Variants in RSPO2 observed in about 807,000 individuals in gnomAD.
RSPO2 encodes the protein R-spondin-2.
RSPO2 carries 14 observed loss-of-function variants against 30.9 expected under a neutral mutation model. The ratio of observed to expected loss-of-function variants is 0.45; its 90% CI spans 0.30 to 0.71. RSPO2 has a LOEUF of 0.71. Ranked by LOEUF, RSPO2 falls within the 30% of genes least tolerant of loss-of-function variation. The pLI, the probability that RSPO2 is intolerant of heterozygous loss-of-function variation, is 0.08. For missense variants in RSPO2, 264 were observed against 301.9 expected (o/e 0.87, Z 0.93); for synonymous variants, 107 against 96.4 (o/e 1.11, Z -0.64).
At chr8:107,952,154 G>T (rs1039167544) in intron 5 of RSPO2, among the ~76,000 whole-genome samples, 1 of 152,008 alleles carries the variant, frequency 6.6e-6, no homozygotes. Flanking sequence ...AGACACTTTA[G>T]CTCCTTAAAG....
chr8:107,955,704 C>T (rs1046770907), intron 5 of RSPO2, among the ~76,000 whole-genome samples: 1 of 152,080 alleles, frequency 6.6e-6, no homozygotes. Context: ...ATCTTATATG[C>T]ATAGTGATGA....
chr8:107,921,889 T>G (rs1812185574), intron 5 of RSPO2, among the ~76,000 whole-genome samples: 1 of 152,124 alleles, frequency 6.6e-6, no homozygotes, highest in Non-Finnish European at 1.5e-5. Context: ...GAAAAGGCTT[T>G]TAATAAAATT....
chr8:108,051,387 G>C (rs935058605), intron 2 of RSPO2, among the ~76,000 whole-genome samples: 6 of 152,094 alleles, frequency 3.9e-5, no homozygotes, highest in Admixed American at 1.3e-4. Flanking sequence ...CCACCAGCAG[G>C]GGGAAAAAAC....
chr8:107,913,853 C>A (rs1811897534), intron 5 of RSPO2, among the ~76,000 whole-genome samples: 1 of 152,124 alleles, frequency 6.6e-6, no homozygotes, highest in African/African-American at 2.4e-5. Context: ...GAAGCTACTA[C>A]ATGTATACAC....
chr8:107,986,836 G>A (rs745325199), intron 3 of RSPO2, among the ~76,000 whole-genome samples: 4 of 152,164 alleles, frequency 2.6e-5, no homozygotes, highest in Non-Finnish European at 4.4e-5. Context: ...GCCATAGGTA[G>A]TCTAAAGAAA....
chr8:108,015,881 T>A (rs1316724072), intron 2 of RSPO2, among the ~76,000 whole-genome samples: 1 of 152,160 alleles, frequency 6.6e-6, no homozygotes, highest in Non-Finnish European at 1.5e-5. Context: ...TCTTTGACAG[T>A]CACCAAGAAA....
chr8:108,019,364 T>G, intron 2 of RSPO2, among the ~76,000 whole-genome samples: 1 of 151,734 alleles, frequency 6.6e-6, no homozygotes, highest in South Asian at 2.1e-4. Flanking sequence ...AAAAAAATAA[T>G]AATAAATTAA....
intron 2 of RSPO2, among the ~76,000 whole-genome samples, chr8:108,031,967 G>A (rs539546944): frequency 2.6e-5 from 4 of 152,292 alleles, no homozygotes; most frequent in African/African-American, 7.2e-5. Flanking sequence ...ACAGTAGGGG[G>A]CAGAGGGAAA....
chr8:107,902,103 T>C (rs965894830), intron 5 of RSPO2, among the ~76,000 whole-genome samples: 1 of 152,204 alleles, frequency 6.6e-6, no homozygotes, highest in African/African-American at 2.4e-5. Flanking sequence ...ACATCTGTCT[T>C]AGGTCCATCA....
At chr8:108,069,763 G>A (rs577560259) in intron 2 of RSPO2, among the ~76,000 whole-genome samples, 4 of 152,300 alleles carry the variant, frequency 2.6e-5, no homozygotes, top group African/African-American at 9.6e-5. Flanking sequence ...TTCCCACAGA[G>A]TAGACATCAA....
At chr8:107,971,990 A>G (rs142273220) in intron 3 of RSPO2, among the ~76,000 whole-genome samples, 143 of 152,250 alleles carry the variant, frequency 9.4e-4, no homozygotes, top group African/African-American at 3.2e-3. Context: ...CACTCTGTCC[A>G]TCATAATCCT....
intron 5 of RSPO2, among the ~76,000 whole-genome samples, chr8:107,925,165 A>C (rs1812319738): frequency 6.6e-6 from 1 of 151,706 alleles, no homozygotes; most frequent in Non-Finnish European, 1.5e-5. Context: ...TTGAGAGGGG[A>C]TGTCAGGGGT....
At chr8:107,992,992 G>A (rs1814896438) in intron 2 of RSPO2, among the ~76,000 whole-genome samples, 1 of 152,082 alleles carries the variant, frequency 6.6e-6, no homozygotes, top group Non-Finnish European at 1.5e-5. Context: ...GAAGTAGAAT[G>A]CAACAAGCTA....
At chr8:107,934,228 A>G (rs1021073864) in intron 5 of RSPO2, among the ~76,000 whole-genome samples, 1 of 152,190 alleles carries the variant, frequency 6.6e-6, no homozygotes, top group African/African-American at 2.4e-5. Flanking sequence ...AAAAAAAATC[A>G]CATCCTTTTA....
intron 2 of RSPO2, among the ~76,000 whole-genome samples, chr8:108,000,990 G>A (rs147413335): frequency 0.018 from 2,635 of 148,714 alleles, 74 homozygotes; most frequent in African/African-American, 0.056. Flanking sequence ...TGACAAGAGC[G>A]ACACTCTGTC....
In RSPO2 at chr8:108,082,699, A is replaced by C. The variant is rs1813248157; in HGVS notation, c.-61T>G. 6.9e-7 allele frequency: 1 copy of C among 1,445,444 alleles called. No individual in the cohort carries two copies. Among genetic ancestry groups the C allele is most frequent in the East Asian group, 2.3e-5 (1 of 43,836 alleles). The allele number at this position is 1,445,444 out of a possible 1,614,324, so 89.5% of individuals were successfully genotyped here. A position where few individuals can be genotyped will look rare whatever the true frequency, so the allele number is the denominator to read the frequency against. ...GTCTAGGAACTGGAGGGTTCGCCCA[A>C]AGAGCCGGCGCCGGCCGCGCTGCTG... is the stretch of plus-strand genomic sequence containing the variant. On this transcript the variant is annotated 5_prime_UTR_variant, in exon 2 of 6. Coordinates refer to ENST00000276659, the MANE Select transcript of RSPO2 (RefSeq NM_178565.5).
At chr8:108,034,926 CAACT>C (rs1169735371) in intron 2 of RSPO2, among the ~76,000 whole-genome samples, 1 of 152,188 alleles carries the variant, frequency 6.6e-6, no homozygotes, top group African/African-American at 2.4e-5. Context: ...GCAATATTAC[CAACT>C]GTTTTCCCTA....
intron 2 of RSPO2, among the ~76,000 whole-genome samples, chr8:108,047,854 G>T (rs950901435): frequency 2.1e-4 from 26 of 126,240 alleles, no homozygotes; most frequent in African/African-American, 5.8e-4. Context: ...CCGGCTCAGG[G>T]AGAAAAAAAA....
intron 2 of RSPO2, 119 bp downstream of exon 2, chr8:108,082,426 A>G (rs1194191001): frequency 1.4e-5 from 10 of 718,052 alleles, no homozygotes. Flanking sequence ...GGGACCCGCA[A>G]AAGCTGGGGT....
Sources: allele counts gnomAD v4.1 joint callset (sites outside exome capture counted in the v4.1 genomes callset), GRCh38; gene constraint gnomAD v4.1.1; transcripts MANE v1.5; gene names NCBI Gene and HGNC (gene_info 2026-07-23, HGNC 2026-07-21).